Variants in DLG2 observed in about 807,000 individuals in gnomAD.
DLG2 encodes the protein disks large homolog 2.
A neutral mutation model predicts 132.5 loss-of-function variants in DLG2; 45 were observed. That is an observed-to-expected ratio of 0.34 (90% CI 0.27 to 0.44). The LOEUF (loss-of-function observed/expected upper bound fraction) is 0.44, where lower values mean the gene tolerates loss of function less well. DLG2 is among the 20% of genes least tolerant of loss of function. The pLI is 1.00. For missense variants in DLG2, 1,045 were observed against 1,196.9 expected (o/e 0.87, Z 1.87); for synonymous variants, 424 against 419.6 (o/e 1.01, Z -0.13).
At chr11:84,547,146 AGAGT>A (rs1365401393) in intron 6 of DLG2, among the ~76,000 whole-genome samples, 1 of 152,194 alleles carries the variant, frequency 6.6e-6, no homozygotes, top group Non-Finnish European at 1.5e-5. Flanking sequence ...GGCACTTAGA[AGAGT>A]GAGTGTCTGT....
chr11:83,923,257 G>A (rs1254612576), intron 15 of DLG2, among the ~76,000 whole-genome samples: 1 of 152,098 alleles, frequency 6.6e-6, no homozygotes, highest in Non-Finnish European at 1.5e-5. Flanking sequence ...TGACTAATGT[G>A]GCTAGTGCCT....
At chr11:84,261,177 A>G (rs1372950715) in intron 7 of DLG2, among the ~76,000 whole-genome samples, 1 of 152,196 alleles carries the variant, frequency 6.6e-6, no homozygotes, top group Non-Finnish European at 1.5e-5. Flanking sequence ...TCTGTAGTAC[A>G]TGGATAATGG....
At chr11:85,310,740 C>G (rs1003123529) in intron 3 of DLG2, among the ~76,000 whole-genome samples, 1 of 152,154 alleles carries the variant, frequency 6.6e-6, no homozygotes, top group Admixed American at 6.5e-5. Context: ...ATTCTGGGCT[C>G]TTATATAACA....
chr11:85,570,826 T>C (rs1364412708), intron 3 of DLG2, among the ~76,000 whole-genome samples: 3 of 152,188 alleles, frequency 2.0e-5, no homozygotes, highest in Non-Finnish European at 4.4e-5. Context: ...TCAAATTGCA[T>C]AATCTCAACT....
chr11:83,865,287 C>G (rs1231357009), intron 16 of DLG2, among the ~76,000 whole-genome samples: 1 of 151,792 alleles, frequency 6.6e-6, no homozygotes, highest in Non-Finnish European at 1.5e-5. Context: ...GACACATGAC[C>G]TTGGGGAAGT....
At chr11:84,985,536 C>T (rs576150236) in intron 6 of DLG2, among the ~76,000 whole-genome samples, 1 of 152,058 alleles carries the variant, frequency 6.6e-6, no homozygotes, top group South Asian at 2.1e-4. Context: ...TGAAAGAGCA[C>T]AGACAGACAA....
intron 15 of DLG2, among the ~76,000 whole-genome samples, chr11:83,926,255 T>C (rs975691978): frequency 6.6e-6 from 1 of 152,234 alleles, no homozygotes; most frequent in Admixed American, 6.5e-5. Flanking sequence ...TTGCTTTTGC[T>C]GACTAACCTT....
chr11:83,791,293 T>A lies in DLG2; in HGVS notation c.1723-4501A>T, dbSNP rs1245803751. 3 of 675,310 alleles carry A rather than the reference T, an allele frequency of 4.4e-6. No individual in the cohort carries two copies. In the East Asian group the frequency reaches 7.8e-5, roughly 18 times the overall value. The allele number at this position is 675,310 out of a possible 1,614,324, so 41.8% of individuals were successfully genotyped here. A position where few individuals can be genotyped will look rare whatever the true frequency, so the allele number is the denominator to read the frequency against. On this transcript the variant is annotated intron_variant, in intron 17 of 27. Transcript: ENST00000376104. ...CTCATCGGCAGAGCTCCCAGAGGGT[T>A]TGCCCGCCTTGCCTTTTGGCTTCTG...
intron 7 of DLG2, chr11:84,317,134 G>A (rs2098367987): frequency 1.2e-6 from 2 of 1,611,912 alleles, no homozygotes; most frequent in Non-Finnish European, 1.7e-6. Flanking sequence ...GCTTGGTGAG[G>A]TATGCATTCA....
chr11:85,211,534 G>A (rs1176239341), intron 4 of DLG2, among the ~76,000 whole-genome samples: 7 of 152,004 alleles, frequency 4.6e-5, no homozygotes, highest in African/African-American at 1.4e-4. Flanking sequence ...GGTATATAAA[G>A]TGAAGTGAAG....
chr11:84,770,680 G>A (rs567409457), intron 6 of DLG2, among the ~76,000 whole-genome samples: 7 of 144,528 alleles, frequency 4.8e-5, no homozygotes, highest in Non-Finnish European at 3.0e-5. Flanking sequence ...TTGCTCTGTC[G>A]CTCAGGCTGG....
At chr11:85,232,706 T>A (rs562115270) in intron 4 of DLG2, among the ~76,000 whole-genome samples, 5 of 151,986 alleles carry the variant, frequency 3.3e-5, no homozygotes, top group Admixed American at 6.6e-5. Context: ...AAAATTGACA[T>A]CACTCTCACT....
chr11:83,623,010 G>C (rs2061870720), intron 19 of DLG2, among the ~76,000 whole-genome samples: 1 of 152,134 alleles, frequency 6.6e-6, no homozygotes, highest in African/African-American at 2.4e-5. Flanking sequence ...ATCTAAAGCT[G>C]TCAATGGGGT....
chr11:84,588,949 G>T (rs2099536328), intron 6 of DLG2, among the ~76,000 whole-genome samples: 1 of 151,974 alleles, frequency 6.6e-6, no homozygotes, highest in Non-Finnish European at 1.5e-5. Flanking sequence ...ACCCTCTCTT[G>T]GGGTCTGGAT....
chr11:84,095,476 T>C (rs1005226055), intron 10 of DLG2, among the ~76,000 whole-genome samples: 3 of 152,214 alleles, frequency 2.0e-5, no homozygotes, highest in African/African-American at 4.8e-5. Context: ...CCCATGTCCT[T>C]AAGGACTAAT....
At chr11:85,169,597 A>C (rs2078701268) in intron 4 of DLG2, among the ~76,000 whole-genome samples, 1 of 152,174 alleles carries the variant, frequency 6.6e-6, no homozygotes. Flanking sequence ...ACAGATCATC[A>C]TTTGTGAATT....
chr11:84,790,413 T>C (rs994927076), intron 6 of DLG2, among the ~76,000 whole-genome samples: 2 of 152,158 alleles, frequency 1.3e-5, no homozygotes, highest in African/African-American at 4.8e-5. Context: ...TCAAATCTTT[T>C]GCCCATTTTT....
chr11:84,704,885 A>C lies in DLG2; in HGVS notation c.358-170154T>G, dbSNP rs923196432. Among the ~76,000 whole-genome samples the C allele has an allele frequency of 2.0e-5, 3 of 149,436 alleles. No homozygotes were observed. In the East Asian group the frequency reaches 5.9e-4, roughly 30 times the overall value. Reference sequence around the variant, plus strand: ...TACACACACACACACATATATATACACATTATGTATATATACACATATATA... The same window carrying C: ...TACACACACACACACATATATATACCCATTATGTATATATACACATATATA... On this transcript the variant is annotated intron_variant, in intron 6 of 27. Coordinates refer to ENST00000376104, the MANE Select transcript of DLG2 (RefSeq NM_001142699.3).
At chr11:84,335,196 G>T (rs548168443) in intron 7 of DLG2, among the ~76,000 whole-genome samples, 120 of 148,552 alleles carry the variant, frequency 8.1e-4, no homozygotes, top group African/African-American at 2.8e-3. Context: ...AAGGGGAAGG[G>T]AAGGGAAAGG....
Sources: gnomAD v4.1 joint callset for allele counts (sites outside exome capture counted in the v4.1 genomes callset) on GRCh38, gnomAD v4.1.1 for gene constraint, MANE v1.5 for transcripts, NCBI Gene and HGNC (gene_info 2026-07-23, HGNC 2026-07-21) for gene names.